XIRP2: variants seen among roughly 807,000 people sequenced by gnomAD.
XIRP2 encodes the protein xin actin binding repeat containing 2, also known as xin actin-binding repeat-containing protein 2.
In XIRP2, 236 loss-of-function variants were observed where a neutral mutation model predicts 277.0. The ratio of observed to expected loss-of-function variants is 0.85; its 90% CI spans 0.77 to 0.95. The LOEUF is 0.95. Among genes scored for constraint, XIRP2 ranks in the 40% least tolerant of loss-of-function variants. The probability of loss-of-function intolerance (pLI) is 0.00; values close to 1 mark genes in which losing one functional copy is unlikely to be tolerated. For missense variants in XIRP2, 4,640 were observed against 4,157.5 expected (o/e 1.12, Z -3.19); for synonymous variants, 1,490 against 1,416.5 (o/e 1.05, Z -1.17).
intron 2 of XIRP2, among the ~76,000 whole-genome samples, chr2:167,045,614 C>G (rs1026740178): frequency 1.3e-5 from 2 of 151,940 alleles, no homozygotes; most frequent in African/African-American, 4.8e-5. Context: ...ATAGATGTGG[C>G]TAACAAGCAT....
chr2:167,082,036 G>A (rs1165071648), intron 2 of XIRP2, among the ~76,000 whole-genome samples: 1 of 151,368 alleles, frequency 6.6e-6, no homozygotes, highest in Non-Finnish European at 1.5e-5. Flanking sequence ...ATGCTGGTGC[G>A]CTGCACCCAC....
At chr2:166,997,400 C>CA (rs1045661388) in intron 2 of XIRP2, among the ~76,000 whole-genome samples, 4 of 151,968 alleles carry the variant, frequency 2.6e-5, no homozygotes, top group Admixed American at 6.6e-5. Context: ...AACAGCTACA[C>CA]AAAAAAATGT....
chr2:166,946,895 A>G (rs1302727472), intron 2 of XIRP2, among the ~76,000 whole-genome samples: 4 of 152,148 alleles, frequency 2.6e-5, no homozygotes, highest in Admixed American at 2.0e-4. Context: ...ACTGAATACA[A>G]TTTGGATCTC....
At chr2:167,225,566 G>T (rs185908344) in intron 5 of XIRP2, among the ~76,000 whole-genome samples, 1 of 151,710 alleles carries the variant, frequency 6.6e-6, no homozygotes, top group East Asian at 1.9e-4. Flanking sequence ...CTTTTTTTTC[G>T]ACACAGGTGA....
At chr2:166,945,663 C>CTTTT (rs71395267) in intron 2 of XIRP2, among the ~76,000 whole-genome samples, 70 of 69,282 alleles carry the variant, frequency 1.0e-3, no homozygotes, top group South Asian at 1.4e-3. Context: ...TAAGATAAAT[C>CTTTT]TTTTTTTTTT....
intron 2 of XIRP2, among the ~76,000 whole-genome samples, chr2:166,981,270 G>T (rs1160543794): frequency 6.6e-6 from 1 of 152,106 alleles, no homozygotes; most frequent in South Asian, 2.1e-4. Flanking sequence ...CTTTAGAAAA[G>T]AATCCTTCTT....
intron 2 of XIRP2, among the ~76,000 whole-genome samples, chr2:167,026,527 T>G (rs2105495574): frequency 6.6e-6 from 1 of 152,302 alleles, no homozygotes. Flanking sequence ...TGCTCATTAG[T>G]TGATGCAGTT....
At chr2:167,074,376 C>T (rs1295161495) in intron 2 of XIRP2, among the ~76,000 whole-genome samples, 1 of 151,990 alleles carries the variant, frequency 6.6e-6, no homozygotes, top group South Asian at 2.1e-4. Flanking sequence ...TACTTGAAAA[C>T]CAGAATCCTC....
intron 2 of XIRP2, among the ~76,000 whole-genome samples, chr2:166,913,628 A>G (rs1316995359): frequency 1.3e-5 from 2 of 152,186 alleles, no homozygotes; most frequent in African/African-American, 4.8e-5. Context: ...TCCATGTTCT[A>G]TTGATCAAAG....
At chr2:167,003,697 A>G (rs1192130188) in intron 2 of XIRP2, among the ~76,000 whole-genome samples, 1 of 151,948 alleles carries the variant, frequency 6.6e-6, no homozygotes, top group Non-Finnish European at 1.5e-5. Flanking sequence ...GAGATTTTAA[A>G]TGTTATACTT....
chr2:167,138,709 A>G (rs1691626019), intron 3 of XIRP2, among the ~76,000 whole-genome samples: 1 of 152,214 alleles, frequency 6.6e-6, no homozygotes, highest in African/African-American at 2.4e-5. Context: ...TAGATGGGAT[A>G]TGAAAGAAAA....
chr2:167,154,279 T>G (rs1692116048), intron 3 of XIRP2, among the ~76,000 whole-genome samples: 1 of 150,670 alleles, frequency 6.6e-6, no homozygotes, highest in Admixed American at 6.6e-5. Flanking sequence ...TGTAAATTTG[T>G]TTGAGTTCAT....
At chr2:167,023,287 C>T (rs1042411310) in intron 2 of XIRP2, among the ~76,000 whole-genome samples, 3 of 152,196 alleles carry the variant, frequency 2.0e-5, no homozygotes, top group Non-Finnish European at 4.4e-5. Context: ...CCTTCACCCA[C>T]TTTTTGATGG....
At chr2:166,928,588 C>G (rs1471727290) in intron 2 of XIRP2, among the ~76,000 whole-genome samples, 1 of 152,108 alleles carries the variant, frequency 6.6e-6, no homozygotes, top group Non-Finnish European at 1.5e-5. Flanking sequence ...TCAAAGAGGA[C>G]ATCAGATGTA....
intron 3 of XIRP2, among the ~76,000 whole-genome samples, chr2:167,155,756 G>A (rs538325545): frequency 2.0e-5 from 3 of 151,934 alleles, no homozygotes; most frequent in African/African-American, 4.8e-5. Flanking sequence ...GGGCAATTAG[G>A]CAGGAGAAGG....
chr2:167,046,730 A>G (rs958726913), intron 2 of XIRP2, among the ~76,000 whole-genome samples: 1 of 152,018 alleles, frequency 6.6e-6, no homozygotes, highest in African/African-American at 2.4e-5. Context: ...CATGGAGTAC[A>G]CATGGACACA....
intron 3 of XIRP2, among the ~76,000 whole-genome samples, chr2:167,192,654 A>G (rs1324325329): frequency 6.6e-6 from 1 of 152,220 alleles, no homozygotes; most frequent in African/African-American, 2.4e-5. Context: ...TGTCAATTCC[A>G]GTGACAAGCT....
intron 2 of XIRP2, among the ~76,000 whole-genome samples, chr2:167,043,606 G>A (rs1192434952): frequency 1.3e-5 from 2 of 151,894 alleles, no homozygotes; most frequent in Non-Finnish European, 2.9e-5. Flanking sequence ...AATAGATAAA[G>A]TCTTGGAAAC....
chr2:167,114,894 A>G (rs1004824115), intron 2 of XIRP2, among the ~76,000 whole-genome samples: 14 of 152,216 alleles, frequency 9.2e-5, no homozygotes, highest in South Asian at 6.2e-4. Context: ...GAATAGTGCC[A>G]CAATAAACAT....
Sources: allele counts gnomAD v4.1 joint callset (sites outside exome capture counted in the v4.1 genomes callset), GRCh38; gene constraint gnomAD v4.1.1; transcripts MANE v1.5; gene names NCBI Gene and HGNC (gene_info 2026-07-23, HGNC 2026-07-21).